APC: variants seen among roughly 807,000 people sequenced by gnomAD.
APC encodes the protein APC regulator of Wnt signaling pathway, also known as adenomatous polyposis coli protein.
APC carries 72 observed loss-of-function variants against 247.0 expected under a neutral mutation model. That is an observed-to-expected ratio of 0.29 (90% CI 0.24 to 0.35). The LOEUF is 0.35. APC is among the 10% of genes least tolerant of loss of function. The pLI is 1.00. For missense variants in APC, 3,400 were observed against 3,360.7 expected (o/e 1.01, Z -0.29); for synonymous variants, 1,254 against 1,162.5 (o/e 1.08, Z -1.60).
At position 112,755,149 on chromosome 5, in the gene APC, T is replaced by G. The variant is rs1018115513; in HGVS notation, c.135+124T>G. On this transcript the variant is annotated intron_variant, in intron 2 of 15. Coordinates refer to ENST00000257430, the MANE Select transcript of APC (RefSeq NM_000038.6). ...AAATTAAGCAATAATATGTAAACTCTTTCTTGCAAAAGTTAGCATTTATAT... is the reference window on the plus strand; with the variant it reads ...AAATTAAGCAATAATATGTAAACTCGTTCTTGCAAAAGTTAGCATTTATAT... 7.3e-6 allele frequency: 10 copies of G among 1,363,024 alleles called. No homozygotes were observed. The African/African-American group carries it at 8.9e-5, about 12-fold the overall frequency. The allele number at this position is 1,363,024 out of a possible 1,614,324, so 84.4% of individuals were successfully genotyped here.
At chr5:112,833,977 A>G (rs1328141940) in intron 14 of APC, among the ~76,000 whole-genome samples, 4 of 151,628 alleles carry the variant, frequency 2.6e-5, no homozygotes, top group Non-Finnish European at 2.9e-5. Flanking sequence ...TTTTTGAGAC[A>G]GGGTCTCACT....
chr5:112,752,796 A>G (rs1235637990), intron 1 of APC, among the ~76,000 whole-genome samples: 2 of 152,074 alleles, frequency 1.3e-5, no homozygotes, highest in African/African-American at 4.8e-5. Context: ...GAAACTTGTT[A>G]TTTTTTCCAT....
chr5:112,837,559 C>A lies in APC; in HGVS notation c.1965C>A (p.Ile655=), dbSNP rs765309567. The A allele has an allele frequency of 4.3e-6, 7 of 1,611,952 alleles. No homozygotes were observed. The highest frequency in any genetic ancestry group is 5.9e-6 in the Non-Finnish European group (7 of 1,178,206). The change falls in exon 16 of 16, where the codon ATC becomes ATA. Residue 655 remains isoleucine, a synonymous_variant. Coordinates refer to ENST00000257430, the MANE Select transcript of APC (RefSeq NM_000038.6). ...TCTCTTGATTTTATTTCAGGCAAATCCTAAGAGAGAACAACTGTCTACAAA... is the reference window on the plus strand; with the variant it reads ...TCTCTTGATTTTATTTCAGGCAAATACTAAGAGAGAACAACTGTCTACAAA... ...LIATNEDHRQ[I]LRENNCLQTL... is the part of the protein sequence containing the mutation.
At chr5:112,743,255 A>G (rs1445797262) in intron 1 of APC, among the ~76,000 whole-genome samples, 1 of 152,312 alleles carries the variant, frequency 6.6e-6, no homozygotes, top group Middle Eastern at 3.4e-3. Flanking sequence ...TTGTGATTAC[A>G]TTGGGTCCAC....
chr5:112,731,687 T>C (rs1352815187), intron 1 of APC, among the ~76,000 whole-genome samples: 1 of 152,178 alleles, frequency 6.6e-6, no homozygotes, highest in East Asian at 1.9e-4. Flanking sequence ...ATTGCCTATT[T>C]TTATAGTACT....
At chr5:112,710,336 GA>G (rs2149636377) in intron 1 of APC, among the ~76,000 whole-genome samples, 1 of 152,196 alleles carries the variant, frequency 6.6e-6, no homozygotes, top group East Asian at 1.9e-4. Context: ...CCTTTGCTGA[GA>G]AAAATCTCAA....
Position 112,843,190 on chromosome 5 carries a change from T to G in APC, c.7596T>G (p.His2532Gln), listed in dbSNP as rs730881266. Reference sequence around the variant, plus strand: ...AGCGCCATGATATTGCACGGTCTCATTCTGAAAGTCCTTCTAGACTTCCAA... The same window carrying G: ...AGCGCCATGATATTGCACGGTCTCAGTCTGAAAGTCCTTCTAGACTTCCAA... ...PAKRHDIARS[H>Q]SESPSRLPIN... The change falls in exon 16 of 16, where the codon CAT (histidine) becomes CAG (glutamine). Residue 2532 changes from histidine to glutamine, a missense_variant. By Grantham distance (24) the His-to-Gln change is conservative. Transcript: ENST00000257430. This position sits in a 1 kb window ranked among gnomAD's most constrained non-coding sequence, Gnocchi z 4.8. 4.3e-6 allele frequency: 7 copies of G among 1,613,416 alleles called. No individual in the cohort carries two copies. The highest frequency in any genetic ancestry group is 5.1e-6 in the Non-Finnish European group (6 of 1,179,368).
At chr5:112,748,961 A>G (rs960460357) in intron 1 of APC, among the ~76,000 whole-genome samples, 31 of 152,310 alleles carry the variant, frequency 2.0e-4, no homozygotes, top group Admixed American at 6.5e-4. Flanking sequence ...CCTAGGTGAC[A>G]GAGTAAAACC....
intron 8 of APC, among the ~76,000 whole-genome samples, chr5:112,805,835 A>T (rs1761321693): frequency 6.6e-6 from 1 of 152,190 alleles, no homozygotes; most frequent in South Asian, 2.1e-4. Context: ...ACCACGTGGG[A>T]ATGTATTCTA....
chr5:112,827,416 G>T (rs891749089), intron 12 of APC, among the ~76,000 whole-genome samples, 169 bp downstream of exon 12: 2 of 151,802 alleles, frequency 1.3e-5, no homozygotes, highest in African/African-American at 4.8e-5. Flanking sequence ...TTTGTCTTAT[G>T]CCTAAACAAA....
At chr5:112,733,960 G>A (rs183236201), upstream of APC, among the ~76,000 whole-genome samples, 15 of 152,274 alleles carry the variant, frequency 9.9e-5, no homozygotes, top group African/African-American at 3.1e-4. Context: ...TAGATGCTAG[G>A]AACACTTCTT....
chr5:112,794,233 A>G (rs1228073310), intron 7 of APC, among the ~76,000 whole-genome samples: 1 of 151,960 alleles, frequency 6.6e-6, no homozygotes, highest in African/African-American at 2.4e-5. Context: ...CTCATGTGCC[A>G]CCATGCCTGA....
At chr5:112,780,111 CAGT>C (rs1758161128) in intron 5 of APC, among the ~76,000 whole-genome samples, 1 of 152,156 alleles carries the variant, frequency 6.6e-6, no homozygotes, top group Non-Finnish European at 1.5e-5. Flanking sequence ...GCAGTTATCA[CAGT>C]CCTTGGAATT....
intron 4 of APC, among the ~76,000 whole-genome samples, chr5:112,767,768 C>G (rs1756525314): frequency 6.6e-6 from 1 of 151,820 alleles, no homozygotes; most frequent in African/African-American, 2.4e-5. Flanking sequence ...GTAGCTGAAA[C>G]TATAGACGCC....
rs1580605187 is a variant in APC at position 112,835,143 on chromosome 5, A to G, written c.1936A>G (p.Ile646Val). ...GATATTACGGAATGTGTCCAGCTTG[A>G]TAGCTACAAATGAGGACCACAGGTA... ...GGILRNVSSL[I>V]ATNEDHRQIL... The change falls in exon 15 of 16, where the codon ATA becomes GTA. Residue 646 changes from isoleucine to valine, a missense_variant. This residue lies in a region of APC where 184 missense variants were observed against 248.0 expected (regional missense o/e 0.74). Transcript: ENST00000257430. 6.2e-7 allele frequency: 1 copy of G among 1,614,070 alleles called. No homozygotes were observed. Among genetic ancestry groups the G allele is most frequent in the Non-Finnish European group, 8.5e-7 (1 of 1,179,944 alleles).
At chr5:112,721,830 G>T (rs1258946090) in intron 1 of APC, among the ~76,000 whole-genome samples, 3 of 152,024 alleles carry the variant, frequency 2.0e-5, no homozygotes, top group South Asian at 4.1e-4. Flanking sequence ...TTTATGTCTT[G>T]GGCCACACAT....
chr5:112,727,586 G>A (rs903941823), intron 1 of APC, among the ~76,000 whole-genome samples: 1 of 152,120 alleles, frequency 6.6e-6, no homozygotes, highest in Non-Finnish European at 1.5e-5. Context: ...GGGCTGATTT[G>A]TGTGTTATAA....
At chr5:112,828,399 T>C (rs1464093851) in intron 13 of APC, among the ~76,000 whole-genome samples, 1 of 151,244 alleles carries the variant, frequency 6.6e-6, no homozygotes, top group Non-Finnish European at 1.5e-5. Flanking sequence ...AAAATAATTA[T>C]ATTGTGGTTA....
intron 1 of APC, among the ~76,000 whole-genome samples, chr5:112,748,624 G>T (rs942638612): frequency 1.3e-5 from 2 of 152,072 alleles, no homozygotes; most frequent in Non-Finnish European, 2.9e-5. Flanking sequence ...CAGTTTGGGA[G>T]GTGGAGGCGG....
Sources: gnomAD v4.1 joint callset for allele counts (sites outside exome capture counted in the v4.1 genomes callset) on GRCh38, gnomAD v4.1.1 for gene constraint, gnomAD v4.1.1 regional missense constraint, Gnocchi (gnomAD v3.1) non-coding constraint, MANE v1.5 for transcripts, NCBI Gene and HGNC (gene_info 2026-07-23, HGNC 2026-07-21) for gene names.